The following MGAT5 variants were observed in gnomAD, a reference collection of about 807,000 sequenced individuals.
MGAT5 encodes alpha-1,6-mannosylglycoprotein 6-beta-N-acetylglucosaminyltransferase A.
A neutral mutation model predicts 94.3 loss-of-function variants in MGAT5; 30 were observed. That is an observed-to-expected ratio of 0.32 (90% CI 0.24 to 0.43). The LOEUF (loss-of-function observed/expected upper bound fraction) is 0.43. Among genes scored for constraint, MGAT5 ranks in the 20% least tolerant of loss-of-function variants. The probability of loss-of-function intolerance (pLI) is 1.00; values close to 1 mark genes in which losing one functional copy is unlikely to be tolerated. For synonymous variants in MGAT5, 310 were observed against 322.9 expected (o/e 0.96, Z 0.43); for missense variants, 691 against 905.5 (o/e 0.76, Z 3.04).
At chr2:134,219,142 C>T (rs369496358) in intron 1 of MGAT5, among the ~76,000 whole-genome samples, 4 of 152,214 alleles carry the variant, frequency 2.6e-5, no homozygotes, top group African/African-American at 9.6e-5. Flanking sequence ...GAAGTAGCAG[C>T]GAGCCACCTG....
Position 134,448,815 on chromosome 2 carries a change from G to A in MGAT5, c.2194G>A (p.Gly732Ser), listed in dbSNP as rs1249841286. 1 of 1,613,682 alleles carries A rather than the reference G, an allele frequency of 6.2e-7. No individual in the cohort carries two copies. The highest frequency in any genetic ancestry group is 8.5e-7 in the Non-Finnish European group (1 of 1,180,012). The change falls in exon 16 of 16, where the codon GGC becomes AGC. Residue 732 changes from glycine (G) to serine (S), a missense_variant. By Grantham distance (56) the Gly-to-Ser change is moderately conservative. This residue lies in a region of MGAT5 where 260 missense variants were observed against 347.0 expected (regional missense o/e 0.75). Coordinates refer to ENST00000281923, the MANE Select transcript of MGAT5 (RefSeq NM_002410.5). ...CTGCCCCTGCCGGGACTTCATCAAG[G>A]GCCAGGTGGCTCTCTGCAAAGACTG... is the stretch of plus-strand genomic sequence containing the variant. ...RVCPCRDFIK[G>S]QVALCKDCL
intron 2 of MGAT5, among the ~76,000 whole-genome samples, chr2:134,301,251 C>CATA (rs113811289): frequency 6.6e-6 from 1 of 151,994 alleles, no homozygotes; most frequent in African/African-American, 2.4e-5. Context: ...ATGAACATAC[C>CATA]ATAATTGGTT....
intron 1 of MGAT5, among the ~76,000 whole-genome samples, chr2:134,225,668 G>C (rs1472517283): frequency 6.6e-6 from 1 of 152,162 alleles, no homozygotes; most frequent in Non-Finnish European, 1.5e-5. Flanking sequence ...AGATAACAGT[G>C]CCTGTTGTAT....
At chr2:134,139,750 A>C (rs1186601759) in intron 1 of MGAT5, among the ~76,000 whole-genome samples, 1 of 152,188 alleles carries the variant, frequency 6.6e-6, no homozygotes, top group Non-Finnish European at 1.5e-5. Context: ...GTAAATACCA[A>C]AGACTGTAAA....
chr2:134,375,829 C>T (rs771523144), intron 10 of MGAT5, among the ~76,000 whole-genome samples: 1 of 152,132 alleles, frequency 6.6e-6, no homozygotes, highest in South Asian at 2.1e-4. Context: ...GAGCACATCT[C>T]GTCAACTGGA....
At chr2:134,396,278 G>T (rs1328550923) in intron 10 of MGAT5, among the ~76,000 whole-genome samples, 1 of 152,162 alleles carries the variant, frequency 6.6e-6, no homozygotes, top group Non-Finnish European at 1.5e-5. Flanking sequence ...ACTTTAAATT[G>T]TTCTGAAATG....
intron 10 of MGAT5, among the ~76,000 whole-genome samples, chr2:134,399,755 C>T (rs1256932118): frequency 6.6e-6 from 1 of 152,120 alleles, no homozygotes; most frequent in Non-Finnish European, 1.5e-5. Flanking sequence ...CGATCCAGTT[C>T]TTAGATCAGT....
At chr2:134,390,229 C>T (rs949646612) in intron 10 of MGAT5, among the ~76,000 whole-genome samples, 26 of 152,330 alleles carry the variant, frequency 1.7e-4, no homozygotes, top group African/African-American at 6.0e-4. Context: ...TGGATCATCT[C>T]GTGCATCCCC....
intron 1 of MGAT5, among the ~76,000 whole-genome samples, chr2:134,220,760 C>G (rs971659147): frequency 5.3e-5 from 8 of 152,152 alleles, no homozygotes; most frequent in Non-Finnish European, 1.2e-4. Context: ...CGCTCTTGTC[C>G]AGGGAACTTC....
intron 10 of MGAT5, among the ~76,000 whole-genome samples, chr2:134,371,122 T>C (rs530860678): frequency 1.3e-5 from 2 of 152,334 alleles, no homozygotes; most frequent in East Asian, 3.9e-4. Context: ...TGATTGGACA[T>C]GGTGTAGAGG....
intron 8 of MGAT5, among the ~76,000 whole-genome samples, chr2:134,345,556 T>C (rs930559573): frequency 6.6e-6 from 1 of 152,212 alleles, no homozygotes; most frequent in Admixed American, 6.5e-5. Flanking sequence ...ACATGTGTAC[T>C]CTGTGCAGTC....
At chr2:134,209,066 T>G (rs1680162336) in intron 1 of MGAT5, among the ~76,000 whole-genome samples, 1 of 151,740 alleles carries the variant, frequency 6.6e-6, no homozygotes, top group African/African-American at 2.4e-5. Context: ...GTCACTTGTC[T>G]TCCTCTTTTG....
intron 10 of MGAT5, among the ~76,000 whole-genome samples, chr2:134,387,353 T>TTTTTTTTA (rs397985933): frequency 7.5e-6 from 1 of 133,584 alleles, no homozygotes; most frequent in African/African-American, 2.9e-5. Context: ...TTTTTTTTTT[T>TTTTTTTTA]ACCAAACCAG....
chr2:134,360,363 T>C (rs2106104671), intron 9 of MGAT5, among the ~76,000 whole-genome samples: 1 of 152,296 alleles, frequency 6.6e-6, no homozygotes, highest in Non-Finnish European at 1.5e-5. Context: ...TATTTTTTCA[T>C]TTGGGGGGCT....
chr2:134,124,941 T>C (rs1685773401), intron 1 of MGAT5, among the ~76,000 whole-genome samples: 1 of 152,234 alleles, frequency 6.6e-6, no homozygotes, highest in Non-Finnish European at 1.5e-5. Flanking sequence ...TTATAAGTCC[T>C]GTCATGCTGG....
At chr2:134,137,657 A>T (rs1041633641) in intron 1 of MGAT5, among the ~76,000 whole-genome samples, 12 of 152,210 alleles carry the variant, frequency 7.9e-5, no homozygotes, top group Admixed American at 7.9e-4. Context: ...TCGGATAACC[A>T]TATGAAAAGA....
intron 3 of MGAT5, 132 bp from the exon 4 acceptor site, chr2:134,318,518 C>T: frequency 1.5e-6 from 1 of 685,972 alleles, no homozygotes; most frequent in Non-Finnish European, 2.6e-6. Context: ...GGCTCAGTGA[C>T]CCTGTCACTC....
At chr2:134,199,737 C>T (rs576258521) in intron 1 of MGAT5, among the ~76,000 whole-genome samples, 43 of 151,904 alleles carry the variant, frequency 2.8e-4, no homozygotes, top group Non-Finnish European at 5.9e-4. Context: ...TTCTTTGTTT[C>T]CTTTATTATT....
At chr2:134,298,038 G>A (rs914623040) in intron 2 of MGAT5, among the ~76,000 whole-genome samples, 1 of 151,858 alleles carries the variant, frequency 6.6e-6, no homozygotes, top group African/African-American at 2.4e-5. Context: ...GAGTATGAAC[G>A]TGTATTTCTT....
Sources: gnomAD v4.1 joint callset for allele counts (sites outside exome capture counted in the v4.1 genomes callset) on GRCh38, gnomAD v4.1.1 for gene constraint, gnomAD v4.1.1 regional missense constraint, MANE v1.5 for transcripts, NCBI Gene and HGNC (gene_info 2026-07-23, HGNC 2026-07-21) for gene names.